GREB1L: variants seen among roughly 807,000 people sequenced by gnomAD.
GREB1L encodes the protein GREB1-like protein.
Under a neutral mutation model 200.8 loss-of-function variants are expected in GREB1L, and 17 were observed. The ratio of observed to expected loss-of-function variants is 0.08; its 90% CI spans 0.06 to 0.13. The LOEUF is 0.13. Among genes scored for constraint, GREB1L ranks in the 10% least tolerant of loss-of-function variants. The probability of loss-of-function intolerance (pLI) is 1.00; values close to 1 mark genes in which losing one functional copy is unlikely to be tolerated. For missense variants in GREB1L, 1,657 were observed against 2,367.7 expected, an observed-to-expected ratio of 0.70 and a Z score of 6.23; for synonymous variants, 789 against 893.0, an observed-to-expected ratio of 0.88 and a Z score of 2.08.
chr18:21,519,600 T>G (rs2037541863), intron 31 of GREB1L, among the ~76,000 whole-genome samples: 1 of 152,206 alleles, frequency 6.6e-6, no homozygotes, highest in African/African-American at 2.4e-5. Context: ...GGGCTCTACG[T>G]ATTAACACAA....
At chr18:21,506,317 C>A (rs2037018921) in intron 25 of GREB1L, among the ~76,000 whole-genome samples, 1 of 151,902 alleles carries the variant, frequency 6.6e-6, no homozygotes, top group Non-Finnish European at 1.5e-5. Context: ...AATGCTTGAA[C>A]CTGGAAGGTA....
In GREB1L at chr18:21,508,711, T is replaced by G. The variant is rs2037118234; in HGVS notation, c.4735+120T>G. ...AATTGTCCTGCCCTCCTCACCACTC[T>G]TCGGAAAAAAAAAAAAAAAAAAGCT... On this transcript the variant is annotated intron_variant, in intron 27 of 32. Coordinates refer to ENST00000424526, the MANE Select transcript of GREB1L (RefSeq NM_001142966.3). 2.1e-5 allele frequency: 12 copies of G among 565,092 alleles called. No homozygotes were observed. The South Asian group carries it at 2.9e-4, about 14-fold the overall frequency. The allele number at this position is 565,092 out of a possible 1,614,324, so 35.0% of individuals were successfully genotyped here.
intron 1 of GREB1L, among the ~76,000 whole-genome samples, chr18:21,334,164 T>C (rs987714093): frequency 6.6e-6 from 1 of 152,176 alleles, no homozygotes; most frequent in Non-Finnish European, 1.5e-5. Context: ...TATTAGCTAA[T>C]GTTAGTAAGT....
intron 15 of GREB1L, among the ~76,000 whole-genome samples, chr18:21,461,671 A>G (rs8083376): frequency 1.5e-3 from 229 of 152,276 alleles, no homozygotes; most frequent in African/African-American, 5.3e-3. Context: ...GTGCTCATGC[A>G]CACACTGCAG....
chr18:21,479,403 G>A lies in GREB1L; in HGVS notation c.2556+2047G>A, dbSNP rs185471330. 5.1e-3 allele frequency among the ~76,000 whole-genome samples: 774 copies of A among 152,222 alleles called. 1 individual carries two copies. Among genetic ancestry groups the A allele is most frequent in the Non-Finnish European group, 8.5e-3 (581 of 68,020 alleles). ...TTTCCTTAAAAGTCATTTTAGCCAGGCACAGTGGCTCACACCTGTAATCCC... is the reference window on the plus strand; with the variant it reads ...TTTCCTTAAAAGTCATTTTAGCCAGACACAGTGGCTCACACCTGTAATCCC... On this transcript the variant is annotated intron_variant, in intron 17 of 32. Transcript: ENST00000424526.
At chr18:21,343,361 C>T (rs560729512) in intron 1 of GREB1L, among the ~76,000 whole-genome samples, 20 of 152,264 alleles carry the variant, frequency 1.3e-4, no homozygotes, top group Middle Eastern at 3.4e-3. Context: ...ATGCTATGAT[C>T]TCTAGATTAT....
In GREB1L at chr18:21,499,719, T is replaced by C; in HGVS notation, c.3392-10T>C. On this transcript the variant is annotated splice_polypyrimidine_tract_variant and intron_variant, in intron 21 of 32. Coordinates refer to ENST00000424526, the MANE Select transcript of GREB1L (RefSeq NM_001142966.3). ...CTGCTGTGGGGTGGGTTCTGTCTGT[T>C]CTCTCACAGGTTCCATCATGGAGAA... 1 of 1,544,310 alleles carries C rather than the reference T, an allele frequency of 6.5e-7. No individual in the cohort carries two copies. The highest frequency in any genetic ancestry group is 8.8e-7 in the Non-Finnish European group (1 of 1,140,626).
intron 8 of GREB1L, 47 bp from the exon 9 acceptor site, chr18:21,440,222 C>T (rs1299785680): frequency 3.2e-6 from 5 of 1,544,566 alleles, no homozygotes; most frequent in Non-Finnish European, 4.4e-6. Flanking sequence ...TTCCACATGG[C>T]TGAGAACAAG....
intron 1 of GREB1L, among the ~76,000 whole-genome samples, chr18:21,354,379 G>A (rs1479848767): frequency 1.3e-5 from 2 of 152,116 alleles, no homozygotes; most frequent in Non-Finnish European, 2.9e-5. Context: ...CGTGAGCCCA[G>A]TTATTAGAGA....
intron 1 of GREB1L, among the ~76,000 whole-genome samples, chr18:21,338,025 T>C (rs567609701): frequency 8.1e-4 from 123 of 152,290 alleles, no homozygotes; most frequent in Non-Finnish European, 8.2e-4. Flanking sequence ...CTCCTTTCTT[T>C]TTAATATGTT....
intron 18 of GREB1L, among the ~76,000 whole-genome samples, chr18:21,487,479 C>T (rs1336756795): frequency 6.6e-6 from 1 of 152,200 alleles, no homozygotes; most frequent in Admixed American, 6.5e-5. Context: ...CCAGTCACCC[C>T]AGCCTAATAG....
chr18:21,343,576 G>C (rs1292210566), intron 1 of GREB1L, among the ~76,000 whole-genome samples: 1 of 152,102 alleles, frequency 6.6e-6, no homozygotes, highest in Non-Finnish European at 1.5e-5. Flanking sequence ...AGGATCAAGA[G>C]ACCCAGAAGT....
chr18:21,322,024 C>CA lies in GREB1L; in HGVS notation c.-119-43995dup, dbSNP rs200508797. On this transcript the variant is annotated intron_variant, in intron 1 of 32. Coordinates refer to ENST00000424526, the MANE Select transcript of GREB1L (RefSeq NM_001142966.3). ...ATTGTGGGCTATTGACAATAAAGTTCAAAAAAAATTAGAATAAGGAGGAGG... is the reference window on the plus strand; with the variant it reads ...ATTGTGGGCTATTGACAATAAAGTTCAAAAAAAAATTAGAATAAGGAGGAGG... Among the ~76,000 whole-genome samples, 129 of 151,244 alleles carry CA rather than the reference C, an allele frequency of 8.5e-4. 2 individuals are homozygous for CA. In the East Asian group the frequency reaches 0.021, roughly 25 times the overall value.
intron 1 of GREB1L, among the ~76,000 whole-genome samples, chr18:21,277,623 A>G (rs1017078399): frequency 1.3e-5 from 2 of 152,124 alleles, no homozygotes; most frequent in Non-Finnish European, 1.5e-5. Context: ...GCCTTTGTGT[A>G]AACTCCTCCA....
intron 1 of GREB1L, among the ~76,000 whole-genome samples, chr18:21,306,839 A>G (rs2038709144): frequency 1.3e-5 from 2 of 152,240 alleles, no homozygotes; most frequent in Admixed American, 1.3e-4. Flanking sequence ...GGGAGAAGAA[A>G]ACAGAAAGAT....
chr18:21,498,058 G>T (rs1049628483), intron 21 of GREB1L, among the ~76,000 whole-genome samples: 4 of 151,980 alleles, frequency 2.6e-5, no homozygotes, highest in Non-Finnish European at 4.4e-5. Flanking sequence ...ATGACCTCAG[G>T]TGATCCACCC....
intron 1 of GREB1L, among the ~76,000 whole-genome samples, chr18:21,304,114 T>C (rs2038662014): frequency 6.6e-6 from 1 of 152,236 alleles, no homozygotes; most frequent in African/African-American, 2.4e-5. Context: ...TTAGATATCA[T>C]CTGGGTGTGA....
rs1185531773 is a variant in GREB1L at position 21,525,430 on chromosome 18, T to TTTTC, written c.*2613_*2616dup. 1.3e-5 allele frequency: 2 copies of TTTTC among 152,174 alleles called. No individual in the cohort carries two copies. Among genetic ancestry groups the TTTTC allele is most frequent in the Non-Finnish European group, 2.9e-5 (2 of 68,040 alleles). The allele number at this position is 152,174 out of a possible 1,614,324, so 9.4% of individuals were successfully genotyped here. A position where few individuals can be genotyped will look rare whatever the true frequency, so the allele number is the denominator to read the frequency against. Reference sequence around the variant, plus strand: ...CTCCCACCCCCTCCAAAAAGTTATTTTTTCTTTATAGTTTTCTGGCATGTT... The same window carrying TTTTC: ...CTCCCACCCCCTCCAAAAAGTTATTTTTTCTTTCTTTATAGTTTTCTGGCATGTT... On this transcript the variant is annotated 3_prime_UTR_variant, in exon 33 of 33. Transcript: ENST00000424526.
At chr18:21,362,021 C>G (rs1160456151) in intron 1 of GREB1L, among the ~76,000 whole-genome samples, 1 of 151,954 alleles carries the variant, frequency 6.6e-6, no homozygotes, top group Non-Finnish European at 1.5e-5. Flanking sequence ...AAGATCCAGT[C>G]CATATTAGAA....
Sources: gnomAD v4.1 joint callset for allele counts (sites outside exome capture counted in the v4.1 genomes callset) on GRCh38, gnomAD v4.1.1 for gene constraint, MANE v1.5 for transcripts, NCBI Gene and HGNC (gene_info 2026-07-23, HGNC 2026-07-21) for gene names.